ITFG1: variants seen among roughly 807,000 people sequenced by gnomAD.
The protein encoded by ITFG1 is integrin alpha FG-GAP repeat containing 1.
ITFG1 carries 34 observed loss-of-function variants against 81.8 expected under a neutral mutation model. The observed-to-expected ratio is 0.42, with a 90% CI of 0.32 to 0.55. The LOEUF is 0.55. Ranked by LOEUF, ITFG1 falls within the 20% of genes least tolerant of loss-of-function variation. The probability of loss-of-function intolerance (pLI) is 0.17; values close to 1 mark genes in which losing one functional copy is unlikely to be tolerated. For missense variants in ITFG1, 672 were observed against 755.4 expected (o/e 0.89, Z 1.29); for synonymous variants, 285 against 270.6 (o/e 1.05, Z -0.52).
At chr16:47,350,882 C>G (rs1214109814) in intron 8 of ITFG1, among the ~76,000 whole-genome samples, 1 of 152,186 alleles carries the variant, frequency 6.6e-6, no homozygotes. Flanking sequence ...AAGTGGGCTT[C>G]ATCCCTGGGA....
intron 12 of ITFG1, among the ~76,000 whole-genome samples, chr16:47,247,607 G>A (rs1297354673): frequency 1.3e-5 from 2 of 151,986 alleles, no homozygotes; most frequent in Non-Finnish European, 2.9e-5. Flanking sequence ...TGTGATCATG[G>A]GCAAATCACT....
chr16:47,211,721 T>C (rs1184279430), intron 14 of ITFG1, among the ~76,000 whole-genome samples: 3 of 152,206 alleles, frequency 2.0e-5, no homozygotes, highest in South Asian at 2.1e-4. Context: ...TTATCATGAA[T>C]AGTTTAAACT....
chr16:47,382,040 A>G (rs539713099), intron 6 of ITFG1, among the ~76,000 whole-genome samples: 2 of 152,354 alleles, frequency 1.3e-5, no homozygotes, highest in Non-Finnish European at 2.9e-5. Flanking sequence ...AGAGGGACAG[A>G]ATTAATTAGC....
chr16:47,431,933 C>A (rs932403064), intron 5 of ITFG1, among the ~76,000 whole-genome samples: 6 of 152,186 alleles, frequency 3.9e-5, no homozygotes, highest in African/African-American at 1.4e-4. Context: ...TTTACCAAGG[C>A]TCTACTCAAA....
intron 6 of ITFG1, among the ~76,000 whole-genome samples, chr16:47,393,956 T>C (rs1023335151): frequency 3.9e-5 from 6 of 152,272 alleles, no homozygotes; most frequent in Non-Finnish European, 7.4e-5. Flanking sequence ...ACAGAATAGG[T>C]TAGGACTCAT....
In ITFG1 at chr16:47,236,271, C is replaced by T. The variant is rs548566154; in HGVS notation, c.1374+1694G>A. On this transcript the variant is annotated intron_variant, in intron 13 of 17. Transcript: ENST00000320640. The stretch of plus-strand genomic sequence containing the variant: ...CAGGCGGATCACGAGGTCAGGAGAT[C>T]GAGACCATCCTGGCTAACACGGTAA... 6.1e-4 allele frequency among the ~76,000 whole-genome samples: 93 copies of T among 151,998 alleles called. 2 individuals carry two copies. In the South Asian group the frequency reaches 0.016, roughly 26 times the overall value.
intron 12 of ITFG1, among the ~76,000 whole-genome samples, chr16:47,240,594 G>A (rs990936065): frequency 6.6e-6 from 1 of 152,182 alleles, no homozygotes; most frequent in Non-Finnish European, 1.5e-5. Flanking sequence ...ATTATGAGAT[G>A]CATGCCCATG....
intron 14 of ITFG1, among the ~76,000 whole-genome samples, chr16:47,174,684 C>T (rs1965002435): frequency 6.6e-6 from 1 of 152,106 alleles, no homozygotes; most frequent in Admixed American, 6.6e-5. Context: ...CCATGTCCGG[C>T]TAATTTTGTA....
At chr16:47,417,486 TTAGAAC>T (rs1968889018) in intron 6 of ITFG1, among the ~76,000 whole-genome samples, 1 of 152,216 alleles carries the variant, frequency 6.6e-6, no homozygotes, top group African/African-American at 2.4e-5. Context: ...CTATTGAATG[TTAGAAC>T]TTATTTCTTC....
intron 12 of ITFG1, among the ~76,000 whole-genome samples, chr16:47,242,059 C>T (rs572326457): frequency 3.3e-5 from 5 of 151,778 alleles, no homozygotes; most frequent in Middle Eastern, 3.4e-3. Flanking sequence ...GGTTGCACAA[C>T]GCTGAGAATA....
intron 14 of ITFG1, among the ~76,000 whole-genome samples, chr16:47,205,607 T>G (rs1478744768): frequency 6.6e-6 from 1 of 152,172 alleles, no homozygotes; most frequent in Admixed American, 6.5e-5. Flanking sequence ...GCTTCTAGCC[T>G]TCTGAATAAA....
chr16:47,436,412 T>C lies in ITFG1; in HGVS notation c.561-7514A>G, dbSNP rs114763820. ...AATTATTTAAACTGTCAGCAAACAA[T>C]TGATGAAAATACATTTTATTAGTTT... is the stretch of plus-strand genomic sequence containing the variant. On this transcript the variant is annotated intron_variant, in intron 5 of 17. Coordinates refer to ENST00000320640, the MANE Select transcript of ITFG1 (RefSeq NM_030790.5). Among the ~76,000 whole-genome samples, 216 of 152,282 alleles carry C rather than the reference T, an allele frequency of 1.4e-3. 1 individual carries two copies. The highest frequency in any genetic ancestry group is 5.0e-3 in the African/African-American group (207 of 41,578).
intron 8 of ITFG1, among the ~76,000 whole-genome samples, chr16:47,324,400 C>CACTG: frequency 6.6e-6 from 1 of 152,034 alleles, no homozygotes; most frequent in Non-Finnish European, 1.5e-5. Flanking sequence ...TTGTAAAGAC[C>CACTG]ATCAAGGCTA....
At chr16:47,453,319 T>C (rs772024622) in intron 3 of ITFG1, among the ~76,000 whole-genome samples, 1 of 152,228 alleles carries the variant, frequency 6.6e-6, no homozygotes, top group Non-Finnish European at 1.5e-5. Context: ...TATAACTAAT[T>C]GGCTTTTCAG....
At chr16:47,253,838 C>T (rs1036026320) in intron 12 of ITFG1, among the ~76,000 whole-genome samples, 1 of 152,148 alleles carries the variant, frequency 6.6e-6, no homozygotes, top group Admixed American at 6.5e-5. Flanking sequence ...CGTTCACCTC[C>T]TGTCGTGCGG....
intron 6 of ITFG1, among the ~76,000 whole-genome samples, chr16:47,398,690 C>G (rs1596957342): frequency 6.6e-6 from 1 of 152,184 alleles, no homozygotes; most frequent in Non-Finnish European, 1.5e-5. Flanking sequence ...CAGATCTTTT[C>G]TGTCAGGTAA....
At chr16:47,350,923 T>A (rs1472549382) in intron 8 of ITFG1, among the ~76,000 whole-genome samples, 1 of 152,182 alleles carries the variant, frequency 6.6e-6, no homozygotes, top group Non-Finnish European at 1.5e-5. Context: ...TGCAAATCAA[T>A]AAACATAACC....
intron 14 of ITFG1, among the ~76,000 whole-genome samples, chr16:47,174,372 G>GAT (rs1362669035): frequency 3.9e-5 from 6 of 152,008 alleles, no homozygotes; most frequent in Non-Finnish European, 8.8e-5. Flanking sequence ...CATACACGCT[G>GAT]ATATAACAGG....
At chr16:47,280,561 A>G (rs1360058049) in intron 10 of ITFG1, among the ~76,000 whole-genome samples, 1 of 152,136 alleles carries the variant, frequency 6.6e-6, no homozygotes, top group Admixed American at 6.6e-5. Flanking sequence ...CCTAAATGGA[A>G]TTTCCTGAGC....
Sources: gnomAD v4.1 joint callset for allele counts (sites outside exome capture counted in the v4.1 genomes callset) on GRCh38, gnomAD v4.1.1 for gene constraint, MANE v1.5 for transcripts, NCBI Gene and HGNC (gene_info 2026-07-23, HGNC 2026-07-21) for gene names.